DCT: variants seen among roughly 807,000 people sequenced by gnomAD.
DCT encodes L-dopachrome tautomerase.
DCT carries 47 observed loss-of-function variants against 53.0 expected under a neutral mutation model. That is an observed-to-expected ratio of 0.89 (90% CI 0.70 to 1.13). DCT has a LOEUF of 1.13. DCT is among the 50% of genes most tolerant of loss of function. DCT has a pLI of 0.00. For synonymous variants in DCT, 244 were observed against 237.0 expected, an observed-to-expected ratio of 1.03 and a Z score of -0.27; for missense variants, 669 against 637.4, an observed-to-expected ratio of 1.05 and a Z score of -0.53.
the DCT span, among the ~76,000 whole-genome samples, chr13:94,521,963 G>C: frequency 3.1e-3 from 474 of 152,228 alleles, 2 homozygotes; most frequent in African/African-American, 0.011. Context: ...ACCTATTCTG[G>C]ACATTTCATA....
chr13:94,512,431 A>G, the DCT span, among the ~76,000 whole-genome samples: 34 of 152,332 alleles, frequency 2.2e-4, 1 homozygote, highest in South Asian at 6.2e-3. Context: ...AAAGAAAGAC[A>G]TTCAAATAAC....
At chr13:94,532,199 T>C in the DCT span, among the ~76,000 whole-genome samples, 14 of 152,172 alleles carry the variant, frequency 9.2e-5, no homozygotes, top group Non-Finnish European at 2.1e-4. Flanking sequence ...GAGTGTAAAT[T>C]AGTTCAACCA....
At chr13:94,514,717 A>T in the DCT span, among the ~76,000 whole-genome samples, 4 of 152,150 alleles carry the variant, frequency 2.6e-5, no homozygotes, top group Non-Finnish European at 5.9e-5. Context: ...GCAAGGCGGG[A>T]AGGGGGAAGA....
chr13:94,485,174 G>A, the DCT span, among the ~76,000 whole-genome samples: 1 of 152,078 alleles, frequency 6.6e-6, no homozygotes, highest in African/African-American at 2.4e-5. Flanking sequence ...GGGGATCTTT[G>A]AACATCCTGA....
At chr13:94,503,560 G>A in the DCT span, among the ~76,000 whole-genome samples, 2 of 152,150 alleles carry the variant, frequency 1.3e-5, no homozygotes, top group Non-Finnish European at 1.5e-5. Context: ...TAAGACAAAG[G>A]CCTCAGAAAA....
At chr13:94,472,521 CATATATATATAT>C (rs1555334365) in intron 1 of DCT, among the ~76,000 whole-genome samples, 484 of 25,132 alleles carry the variant, frequency 0.019, 4 homozygotes, top group African/African-American at 0.037. Context: ...TACATACATA[CATATATATATAT>C]ATATATATAT....
At chr13:94,509,280 G>T in the DCT span, among the ~76,000 whole-genome samples, 1 of 152,156 alleles carries the variant, frequency 6.6e-6, no homozygotes, top group Non-Finnish European at 1.5e-5. Context: ...TGGTGGGTAG[G>T]ATGTCAGCTG....
chr13:94,506,855 G>T, the DCT span, among the ~76,000 whole-genome samples: 1 of 152,076 alleles, frequency 6.6e-6, no homozygotes, highest in Non-Finnish European at 1.5e-5. Context: ...CACTAAAAAG[G>T]GCACAGCATC....
chr13:94,538,995 A>G, the DCT span, among the ~76,000 whole-genome samples: 1 of 152,138 alleles, frequency 6.6e-6, no homozygotes, highest in African/African-American at 2.4e-5. Context: ...TCCAGGTCAC[A>G]CAACATCTTT....
the DCT span, among the ~76,000 whole-genome samples, chr13:94,508,830 G>T: frequency 6.6e-6 from 1 of 152,166 alleles, no homozygotes; most frequent in Admixed American, 6.5e-5. Flanking sequence ...CTGAGCTCTT[G>T]GTCCCATGAG....
chr13:94,520,439 C>T, the DCT span, among the ~76,000 whole-genome samples: 1,027 of 152,170 alleles, frequency 6.7e-3, 10 homozygotes, highest in African/African-American at 0.024. Flanking sequence ...ATTCTGGTGG[C>T]GAGGCCTGCC....
In DCT at chr13:94,462,199, G is replaced by C; in HGVS notation, c.864-10C>G. 1 of 1,602,910 alleles carries C rather than the reference G, an allele frequency of 6.2e-7. No homozygotes were observed. The highest frequency in any genetic ancestry group is 8.5e-7 in the Non-Finnish European group (1 of 1,170,256). ...GTTGTAGTCATCCAAGCTAAGATTT[G>C]TAATAAGATTTAAAATAATATATGT... On this transcript the variant is annotated splice_polypyrimidine_tract_variant and intron_variant, in intron 4 of 7. Coordinates refer to ENST00000377028, the MANE Select transcript of DCT (RefSeq NM_001922.5).
intron 1 of DCT, among the ~76,000 whole-genome samples, chr13:94,478,093 G>A (rs1453246040): frequency 1.3e-5 from 2 of 152,106 alleles, no homozygotes; most frequent in Non-Finnish European, 2.9e-5. Context: ...ATTTTGTGAT[G>A]TCCGGTTCAA....
chr13:94,471,605 T>C (rs551436467), intron 1 of DCT, among the ~76,000 whole-genome samples: 4 of 152,330 alleles, frequency 2.6e-5, no homozygotes, highest in Middle Eastern at 3.4e-3. Context: ...GCAACCTTAC[T>C]AAAACTGTAT....
intron 5 of DCT, among the ~76,000 whole-genome samples, chr13:94,460,789 TACC>T (rs1566829544): frequency 6.6e-6 from 1 of 152,152 alleles, no homozygotes; most frequent in Non-Finnish European, 1.5e-5. Flanking sequence ...AAAAATTTTC[TACC>T]ACCATAGAAA....
At chr13:94,481,819 G>T (rs891557646), upstream of DCT, among the ~76,000 whole-genome samples, 2 of 152,096 alleles carry the variant, frequency 1.3e-5, no homozygotes, top group Non-Finnish European at 2.9e-5. Context: ...GTTCTCCATT[G>T]GTCTTCTCCA....
chr13:94,454,836 T>C (rs890025693), intron 6 of DCT, among the ~76,000 whole-genome samples: 2 of 152,198 alleles, frequency 1.3e-5, no homozygotes, highest in Admixed American at 1.3e-4. Flanking sequence ...TAGCCTAAAG[T>C]AATGGTGAGT....
Position 94,439,968 on chromosome 13 carries a change from C to T in DCT, c.1490G>A (p.Arg497Lys). 6.2e-7 allele frequency: 1 copy of T among 1,613,964 alleles called. No individual in the cohort carries two copies. Among genetic ancestry groups the T allele is most frequent in the Non-Finnish European group, 8.5e-7 (1 of 1,179,904 alleles). Reference sequence around the variant, plus strand: ...TAGGGGTGTATATCCTTTTCGAAGTCTTCTATATTGAAGAAAAGCCAACAG... The same window carrying T: ...TAGGGGTGTATATCCTTTTCGAAGTTTTCTATATTGAAGAAAAGCCAACAG... ...FVLLAFLQYR[R>K]LRKGYTPLME... The change falls in exon 8 of 8, where the codon AGA becomes AAA. Residue 497 changes from arginine to lysine, a missense_variant. By Grantham distance (26) the Arg-to-Lys change is conservative (BLOSUM62 2). Coordinates refer to ENST00000377028, the MANE Select transcript of DCT (RefSeq NM_001922.5).
Position 94,479,114 on chromosome 13 carries a change from AC to A in DCT, c.141del (p.Glu47AspfsTer79), listed in dbSNP as rs755649184. On this transcript the variant is annotated frameshift_variant, in exon 1 of 8. Coordinates refer to ENST00000377028, the MANE Select transcript of DCT (RefSeq NM_001922.5). LOFTEE classifies it high-confidence loss of function. ...TGCTGAGAGCCACAGACATTGGCCG[AC>A]TCTGCACCCAGGCGTGGGCAGCACT... ...NKECCPRLGA[E>X]SANVCGSQQG... 2.5e-6 allele frequency: 4 copies of A among 1,613,892 alleles called. No homozygotes were observed. Among genetic ancestry groups the A allele is most frequent in the Non-Finnish European group, 3.4e-6 (4 of 1,180,000 alleles).
Sources: allele counts gnomAD v4.1 joint callset (sites outside exome capture counted in the v4.1 genomes callset), GRCh38; gene constraint gnomAD v4.1.1; transcripts MANE v1.5; gene names NCBI Gene and HGNC (gene_info 2026-07-23, HGNC 2026-07-21).